Variants in SLC39A11 observed in about 807,000 individuals in gnomAD.
SLC39A11 encodes the protein zinc transporter ZIP11.
SLC39A11 carries 33 observed loss-of-function variants against 36.1 expected under a neutral mutation model. The observed-to-expected ratio is 0.91, with a 90% CI of 0.69 to 1.22. The LOEUF (loss-of-function observed/expected upper bound fraction) is 1.22. SLC39A11 is among the 50% of genes most tolerant of loss of function. The pLI is 0.00. For synonymous variants in SLC39A11, 166 were observed against 170.3 expected (o/e 0.97, Z 0.20); for missense variants, 432 against 430.3 (o/e 1.00, Z -0.03).
rs1489503831 is a variant in SLC39A11, at chr17:72,822,071, C to T, written c.601+27563G>A. ...CTGGCTGGGGCCATTTCTCCCTGGG[C>T]GGCCACATCCAACAAAACTCCAGGG... On this transcript the variant is annotated intron_variant, in intron 6 of 9. Transcript: ENST00000255559. The T allele has an allele frequency of 2.0e-5, 3 of 151,154 alleles. 1 individual carries two copies. Among genetic ancestry groups the T allele is most frequent in the Non-Finnish European group, 4.4e-5 (3 of 67,486 alleles). The allele number at this position is 151,154 out of a possible 1,614,324, so 9.4% of individuals were successfully genotyped here.
intron 4 of SLC39A11, among the ~76,000 whole-genome samples, chr17:72,983,337 C>T (rs35271704): frequency 1.3e-5 from 2 of 152,064 alleles, no homozygotes; most frequent in Non-Finnish European, 2.9e-5. Flanking sequence ...TTAGTAGAGA[C>T]GAGGTTTCAC....
chr17:73,026,010 C>G (rs914480817), intron 4 of SLC39A11, among the ~76,000 whole-genome samples: 1 of 151,776 alleles, frequency 6.6e-6, no homozygotes, highest in Non-Finnish European at 1.5e-5. Context: ...CCCAGCTACT[C>G]AAGAGGCTGA....
rs56036208 is a variant in SLC39A11, at chr17:72,949,144, C to CTTTTTTTTTTTTTTTT, written c.307-1285_307-1270dup. ...AAATAAAATACCATACACTGGGCAG[C>CTTTTTTTTTTTTTTTT]TTTTTTTTTTTTTTTTTTTTTTTTT... On this transcript the variant is annotated intron_variant, in intron 4 of 9. Coordinates refer to ENST00000255559, the MANE Select transcript of SLC39A11 (RefSeq NM_139177.4). 5.9e-3 allele frequency among the ~76,000 whole-genome samples: 217 copies of CTTTTTTTTTTTTTTTT among 36,508 alleles called. 59 individuals carry two copies. The highest frequency in any genetic ancestry group is 8.7e-3 in the Non-Finnish European group (163 of 18,636). The allele number at this position is 36,508 out of a possible 152,430, so 24.0% of individuals were successfully genotyped here.
chr17:72,957,588 G>A (rs2086327572), intron 4 of SLC39A11, among the ~76,000 whole-genome samples: 1 of 152,238 alleles, frequency 6.6e-6, no homozygotes, highest in African/African-American at 2.4e-5. Context: ...GGAGGCCAAG[G>A]CAGATGGATC....
intron 7 of SLC39A11, among the ~76,000 whole-genome samples, chr17:72,670,496 C>G (rs2070978873): frequency 6.6e-6 from 1 of 152,130 alleles, no homozygotes; most frequent in Admixed American, 6.6e-5. Context: ...TTTCCATTTC[C>G]TCCCTTCCTT....
chr17:72,867,804 G>A (rs1035578657), intron 5 of SLC39A11, among the ~76,000 whole-genome samples: 12 of 151,122 alleles, frequency 7.9e-5, no homozygotes, highest in African/African-American at 2.4e-4. Flanking sequence ...ACACACCTAT[G>A]CACAAACACA....
intron 6 of SLC39A11, among the ~76,000 whole-genome samples, chr17:72,760,591 G>A (rs1230107729): frequency 6.6e-6 from 1 of 152,168 alleles, no homozygotes; most frequent in Non-Finnish European, 1.5e-5. Context: ...AGAACATGTG[G>A]GTGACTCAGC....
intron 4 of SLC39A11, among the ~76,000 whole-genome samples, chr17:72,963,471 C>T (rs1197563199): frequency 6.6e-6 from 1 of 151,990 alleles, no homozygotes; most frequent in Admixed American, 6.6e-5. Flanking sequence ...CGCCCGGCCA[C>T]TGTGGGGTAT....
intron 6 of SLC39A11, among the ~76,000 whole-genome samples, chr17:72,745,251 A>G (rs745770819): frequency 1.3e-5 from 2 of 152,224 alleles, no homozygotes; most frequent in African/African-American, 2.4e-5. Context: ...GAGAAGTGCA[A>G]TCACCTTGGT....
At chr17:73,038,238 AAACC>A (rs1168689527) in intron 3 of SLC39A11, among the ~76,000 whole-genome samples, 4 of 152,094 alleles carry the variant, frequency 2.6e-5, no homozygotes, top group Non-Finnish European at 4.4e-5. Context: ...ACAAACAAAC[AAACC>A]AACAAAAACA....
At chr17:72,746,824 A>T (rs1230691276) in intron 6 of SLC39A11, among the ~76,000 whole-genome samples, 1 of 152,040 alleles carries the variant, frequency 6.6e-6, no homozygotes, top group African/African-American at 2.4e-5. Flanking sequence ...AGATGGGAGG[A>T]TCACTTGAAG....
At chr17:72,766,014 T>A (rs1422234095) in intron 6 of SLC39A11, among the ~76,000 whole-genome samples, 1 of 152,124 alleles carries the variant, frequency 6.6e-6, no homozygotes, top group Non-Finnish European at 1.5e-5. Context: ...TTGGCAAAAG[T>A]GGCCGCAAGA....
At chr17:72,964,071 C>G (rs553047753) in intron 4 of SLC39A11, among the ~76,000 whole-genome samples, 1 of 152,202 alleles carries the variant, frequency 6.6e-6, no homozygotes, top group Admixed American at 6.5e-5. Context: ...TAGTGGCGCC[C>G]CCCGAGGTAC....
intron 6 of SLC39A11, among the ~76,000 whole-genome samples, chr17:72,787,500 G>A (rs372115375): frequency 4.0e-5 from 6 of 151,748 alleles, no homozygotes; most frequent in Middle Eastern, 3.4e-3. Context: ...CTCATGATCC[G>A]CCTGCCTTGG....
intron 3 of SLC39A11, among the ~76,000 whole-genome samples, chr17:73,035,888 G>T (rs1248436786): frequency 5.2e-5 from 5 of 96,398 alleles, no homozygotes; most frequent in South Asian, 3.5e-4. Context: ...AAAAAAAAAA[G>T]AAGGGTCAGA....
intron 5 of SLC39A11, among the ~76,000 whole-genome samples, chr17:72,924,575 C>A (rs2083918985): frequency 6.6e-6 from 1 of 152,052 alleles, no homozygotes; most frequent in Non-Finnish European, 1.5e-5. Context: ...ACTTTTGGCA[C>A]CCCAAATTGC....
chr17:72,762,849 C>A (rs147123790), intron 6 of SLC39A11, among the ~76,000 whole-genome samples: 33 of 152,292 alleles, frequency 2.2e-4, no homozygotes, highest in African/African-American at 7.0e-4. Context: ...AATGCCCAGG[C>A]GGTTCCACTC....
chr17:72,948,906 T>C (rs1043985120), intron 4 of SLC39A11, among the ~76,000 whole-genome samples: 3 of 152,034 alleles, frequency 2.0e-5, no homozygotes, highest in Admixed American at 1.3e-4. Flanking sequence ...AAAGGCATCA[T>C]CTGGAAGCCC....
At chr17:72,860,617 A>G (rs1226726239) in intron 5 of SLC39A11, among the ~76,000 whole-genome samples, 1 of 152,136 alleles carries the variant, frequency 6.6e-6, no homozygotes, top group African/African-American at 2.4e-5. Flanking sequence ...TCAGGGAGAC[A>G]AGCGAAAAAC....
Sources: gnomAD v4.1 joint callset for allele counts (sites outside exome capture counted in the v4.1 genomes callset) on GRCh38, gnomAD v4.1.1 for gene constraint, MANE v1.5 for transcripts, NCBI Gene and HGNC (gene_info 2026-07-23, HGNC 2026-07-21) for gene names.